The following CYP19A1 variants were observed in gnomAD, a reference collection of about 807,000 sequenced individuals.
CYP19A1 encodes cytochrome P450 family 19 subfamily A member 1.
A neutral mutation model predicts 44.4 loss-of-function variants in CYP19A1; 32 were observed. The ratio of observed to expected loss-of-function variants is 0.72; its 90% CI spans 0.54 to 0.97. The LOEUF is 0.97. Among genes scored for constraint, CYP19A1 ranks in the 50% least tolerant of loss-of-function variants. The probability of loss-of-function intolerance (pLI) is 0.00; values close to 1 mark genes in which losing one functional copy is unlikely to be tolerated. For missense variants in CYP19A1, 598 were observed against 637.8 expected (o/e 0.94, Z 0.67); for synonymous variants, 212 against 215.6 (o/e 0.98, Z 0.14).
chr15:51,279,488 T>C (rs574652107), intron 1 of CYP19A1, among the ~76,000 whole-genome samples: 3 of 152,158 alleles, frequency 2.0e-5, no homozygotes, highest in African/African-American at 7.2e-5. Context: ...TAGAGATATA[T>C]GCCAGAAAAA....
chr15:51,329,889 A>G (rs1393133433), intron 1 of CYP19A1, among the ~76,000 whole-genome samples: 1 of 152,228 alleles, frequency 6.6e-6, no homozygotes, highest in Non-Finnish European at 1.5e-5. Flanking sequence ...TTGTGAAATG[A>G]CCAGATATAC....
chr15:51,250,807 T>G (rs1044996734), intron 1 of CYP19A1, among the ~76,000 whole-genome samples: 10 of 151,474 alleles, frequency 6.6e-5, no homozygotes, highest in Middle Eastern at 3.4e-3. Flanking sequence ...GTCATTTTTC[T>G]AAGAGGTTTC....
intron 8 of CYP19A1, 188 bp downstream of exon 8, chr15:51,214,882 T>C: frequency 1.1e-6 from 1 of 942,892 alleles, no homozygotes; most frequent in Non-Finnish European, 1.5e-6. Flanking sequence ...ATTTTTATGA[T>C]TAAGAACACA....
intron 1 of CYP19A1, among the ~76,000 whole-genome samples, chr15:51,243,867 C>G (rs2033928533): frequency 6.6e-6 from 1 of 152,214 alleles, no homozygotes. Flanking sequence ...GTTTTGTAAT[C>G]CCTTTACTCT....
chr15:51,274,583 GA>G lies in CYP19A1; in HGVS notation c.-38-31634del, dbSNP rs1282457962. On this transcript the variant is annotated intron_variant, in intron 1 of 9. Transcript: ENST00000396402. Reference sequence around the variant, plus strand: ...ATACCATCATATTTCCCAGTTGTATGAAAGAGCCACAGTGTTTCTAGCCAAA... The same window carrying G: ...ATACCATCATATTTCCCAGTTGTATGAAGAGCCACAGTGTTTCTAGCCAAA... Among the ~76,000 whole-genome samples, 3 of 152,184 alleles carry G rather than the reference GA, an allele frequency of 2.0e-5. No individual in the cohort carries two copies. The East Asian group carries it at 5.8e-4, about 29-fold the overall frequency.
At chr15:51,229,468 T>TA (rs1416681230) in intron 3 of CYP19A1, among the ~76,000 whole-genome samples, 1 of 151,458 alleles carries the variant, frequency 6.6e-6, no homozygotes, top group Non-Finnish European at 1.5e-5. Flanking sequence ...TATTTTCAAA[T>TA]AAAAACACTA....
intron 3 of CYP19A1, among the ~76,000 whole-genome samples, chr15:51,234,763 A>G (rs557356976): frequency 6.6e-6 from 1 of 152,140 alleles, no homozygotes; most frequent in Non-Finnish European, 1.5e-5. Flanking sequence ...CCAGGGGAGT[A>G]TTAAACACCA....
intron 1 of CYP19A1, among the ~76,000 whole-genome samples, chr15:51,311,205 C>T (rs2036303854): frequency 6.6e-6 from 1 of 152,028 alleles, no homozygotes; most frequent in African/African-American, 2.4e-5. Context: ...TATAATCATC[C>T]TGCGTGACAT....
At chr15:51,289,246 C>A (rs1354195838) in intron 1 of CYP19A1, among the ~76,000 whole-genome samples, 1 of 152,190 alleles carries the variant, frequency 6.6e-6, no homozygotes, top group African/African-American at 2.4e-5. Flanking sequence ...ATTTCAAATG[C>A]CTTGTTAGAC....
At chr15:51,283,516 G>A (rs951872944) in intron 1 of CYP19A1, among the ~76,000 whole-genome samples, 2 of 152,214 alleles carry the variant, frequency 1.3e-5, no homozygotes, top group Non-Finnish European at 2.9e-5. Flanking sequence ...CGATGGCATT[G>A]GAGGTAACTT....
chr15:51,292,675 C>G (rs1035775071), intron 1 of CYP19A1, among the ~76,000 whole-genome samples: 1 of 152,222 alleles, frequency 6.6e-6, no homozygotes, highest in Admixed American at 6.5e-5. Context: ...AATCCTGCCC[C>G]TGCTTTCCTG....
chr15:51,269,335 A>G (rs1233394402), intron 1 of CYP19A1, among the ~76,000 whole-genome samples: 1 of 152,064 alleles, frequency 6.6e-6, no homozygotes, highest in Admixed American at 6.5e-5. Context: ...CAATATATGC[A>G]TGGGTCTATT....
chr15:51,249,148 C>G (rs1330267847), intron 1 of CYP19A1, among the ~76,000 whole-genome samples: 1 of 152,012 alleles, frequency 6.6e-6, no homozygotes, highest in Admixed American at 6.6e-5. Context: ...ATCATGTTGG[C>G]CAAGCTGGTC....
At chr15:51,337,577 T>C (rs1375167835) in intron 1 of CYP19A1, among the ~76,000 whole-genome samples, 2 of 152,210 alleles carry the variant, frequency 1.3e-5, no homozygotes, top group African/African-American at 4.8e-5. Flanking sequence ...CTGCAGCTTG[T>C]AGAGCTCACA....
At chr15:51,253,208 A>C (rs1309042438) in intron 1 of CYP19A1, among the ~76,000 whole-genome samples, 1 of 152,194 alleles carries the variant, frequency 6.6e-6, no homozygotes, top group Non-Finnish European at 1.5e-5. Flanking sequence ...AAGAAACGAG[A>C]TAAAGCCTGT....
chr15:51,298,534 AT>A (rs1457802215), intron 1 of CYP19A1, among the ~76,000 whole-genome samples: 10 of 152,166 alleles, frequency 6.6e-5, no homozygotes, highest in Admixed American at 3.3e-4. Context: ...TTACTTTCTC[AT>A]CTGTAGAAAT....
At chr15:51,307,761 T>C (rs1379942184) in intron 1 of CYP19A1, among the ~76,000 whole-genome samples, 1 of 152,194 alleles carries the variant, frequency 6.6e-6, no homozygotes, top group African/African-American at 2.4e-5. Context: ...TGTATGTGAT[T>C]AGCCCTAATG....
At chr15:51,258,924 GAC>G (rs1239040443) in intron 1 of CYP19A1, among the ~76,000 whole-genome samples, 2 of 152,204 alleles carry the variant, frequency 1.3e-5, no homozygotes, top group African/African-American at 4.8e-5. Flanking sequence ...TGCCACTAAT[GAC>G]ACATTCGACA....
At chr15:51,293,161 G>A (rs2035886851) in intron 1 of CYP19A1, among the ~76,000 whole-genome samples, 2 of 152,074 alleles carry the variant, frequency 1.3e-5, no homozygotes, top group Non-Finnish European at 2.9e-5. Context: ...TGGGTACGGT[G>A]CACACTGCTT....
Sources: allele counts gnomAD v4.1 joint callset (sites outside exome capture counted in the v4.1 genomes callset), GRCh38; gene constraint gnomAD v4.1.1; transcripts MANE v1.5; gene names NCBI Gene and HGNC (gene_info 2026-07-23, HGNC 2026-07-21).